The following IRAK3 variants were observed in gnomAD, a reference collection of about 807,000 sequenced individuals.
IRAK3 encodes interleukin 1 receptor associated kinase 3.
A neutral mutation model predicts 56.6 loss-of-function variants in IRAK3; 57 were observed. The ratio of observed to expected loss-of-function variants is 1.01; its 90% CI spans 0.81 to 1.26. IRAK3 has a LOEUF of 1.26. Among genes scored for constraint, IRAK3 ranks in the 50% most tolerant of loss-of-function variants. The probability of loss-of-function intolerance (pLI) is 0.00; values close to 1 mark genes in which losing one functional copy is unlikely to be tolerated. For synonymous variants in IRAK3, 258 were observed against 255.7 expected, an observed-to-expected ratio of 1.01 and a Z score of -0.09; for missense variants, 703 against 719.0, an observed-to-expected ratio of 0.98 and a Z score of 0.25.
At chr12:66,244,385 C>T (rs764436013) in intron 8 of IRAK3, 101 bp from the exon 9 acceptor site, 127 of 823,076 alleles carry the variant, frequency 1.5e-4, no homozygotes, top group African/African-American at 2.7e-4. Flanking sequence ...GACAGTGTTT[C>T]GAATTAACCA....
At chr12:66,211,628 A>T in intron 5 of IRAK3, 31 bp downstream of exon 5, 1 of 1,550,274 alleles carries the variant, frequency 6.5e-7, no homozygotes, top group Non-Finnish European at 8.9e-7. Flanking sequence ...ACAGGACATC[A>T]GTTCCACTTA....
chr12:66,239,558 GTCTT>G (rs2052943305), intron 8 of IRAK3, among the ~76,000 whole-genome samples: 1 of 152,080 alleles, frequency 6.6e-6, no homozygotes, highest in African/African-American at 2.4e-5. Flanking sequence ...AATGCAAAGT[GTCTT>G]TCTTTGTTTG....
chr12:66,200,354 C>G (rs1168758), intron 1 of IRAK3, among the ~76,000 whole-genome samples: 21,561 of 152,114 alleles, frequency 0.14, 2,260 homozygotes, highest in East Asian at 0.42. Flanking sequence ...AGTGACTCAG[C>G]ATTTCAGGCT....
intron 8 of IRAK3, among the ~76,000 whole-genome samples, chr12:66,228,785 A>C (rs1328083481): frequency 1.3e-5 from 2 of 152,194 alleles, no homozygotes; most frequent in Non-Finnish European, 2.9e-5. Context: ...TATTCAATGA[A>C]TTGCATGAGG....
chr12:66,234,411 G>C, intron 8 of IRAK3: 1 of 1,611,046 alleles, frequency 6.2e-7, no homozygotes, highest in Non-Finnish European at 8.5e-7. Flanking sequence ...GCAGATACAG[G>C]AGATACAATA....
At chr12:66,235,159 A>G (rs1428305711) in intron 8 of IRAK3, 4 of 1,585,120 alleles carry the variant, frequency 2.5e-6, no homozygotes, top group Non-Finnish European at 3.4e-6. Flanking sequence ...TACTGTTGTT[A>G]TTACTGCTGG....
In IRAK3 at chr12:66,249,165, T is replaced by A. The variant is rs1007232960; in HGVS notation, c.*994T>A. On this transcript the variant is annotated 3_prime_UTR_variant, in exon 12 of 12. Transcript: ENST00000261233. ...TGAATTATATCAAAGCTGCTTGTCT[T>A]ATCTCTTTTTTTTTTTGAGACGGAG... 2.0e-5 allele frequency: 3 copies of A among 151,414 alleles called. No homozygotes were observed. The highest frequency in any genetic ancestry group is 7.4e-5 in the African/African-American group (3 of 40,728). The allele number at this position is 151,414 out of a possible 1,614,324, so 9.4% of individuals were successfully genotyped here. A position where few individuals can be genotyped will look rare whatever the true frequency, so the allele number is the denominator to read the frequency against.
chr12:66,233,314 C>T (rs1400494471), intron 8 of IRAK3, among the ~76,000 whole-genome samples: 2 of 152,110 alleles, frequency 1.3e-5, no homozygotes, highest in African/African-American at 2.4e-5. Context: ...GTCAGCAGAT[C>T]GAGACCATCC....
At position 66,248,198 on chromosome 12, in the gene IRAK3, C is replaced by T; in HGVS notation, c.*27C>T. ...TTCTACCAGAAGATAAAGAAAAAAG[C>T]AAGTATTGCATAGGCACCTGAGCAT... On this transcript the variant is annotated 3_prime_UTR_variant, in exon 12 of 12. Coordinates refer to ENST00000261233, the MANE Select transcript of IRAK3 (RefSeq NM_007199.3). The T allele has an allele frequency of 1.3e-6, 2 of 1,549,106 alleles. No homozygotes were observed. The highest frequency in any genetic ancestry group is 2.2e-5 in the South Asian group (2 of 89,558).
At position 66,248,018 on chromosome 12, in the gene IRAK3, G is replaced by A. The variant is rs2053054803; in HGVS notation, c.1638G>A (p.Lys546=). ...SSSCEESWFP[K]YIVPSQDLRP... ...CTTGTGAAGAAAGTTGGTTCCCAAA[G>A]TATATAGTTCCATCCCAGGACTTAA... Residue 546 remains lysine, a synonymous_variant, in exon 12 of 12, where the codon AAG becomes AAA. Coordinates refer to ENST00000261233, the MANE Select transcript of IRAK3 (RefSeq NM_007199.3). 3 of 1,597,926 alleles carry A rather than the reference G, an allele frequency of 1.9e-6. No individual in the cohort carries two copies. The highest frequency in any genetic ancestry group is 2.7e-5 in the African/African-American group (2 of 74,104).
At chr12:66,243,358 C>T (rs1286505747) in intron 8 of IRAK3, among the ~76,000 whole-genome samples, 2 of 152,172 alleles carry the variant, frequency 1.3e-5, no homozygotes, top group Non-Finnish European at 2.9e-5. Flanking sequence ...TCTTGATATC[C>T]CGTGGCTGTT....
rs190307343 is a variant in IRAK3, at chr12:66,248,215, C to T, written c.*44C>T. 1.4e-6 allele frequency: 2 copies of T among 1,395,772 alleles called. No homozygotes were observed. The highest frequency in any genetic ancestry group is 2.3e-5 in the East Asian group (1 of 43,866). The allele number at this position is 1,395,772 out of a possible 1,614,324, so 86.5% of individuals were successfully genotyped here. On this transcript the variant is annotated 3_prime_UTR_variant, in exon 12 of 12. Coordinates refer to ENST00000261233, the MANE Select transcript of IRAK3 (RefSeq NM_007199.3). ...GAAAAAAGCAAGTATTGCATAGGCA[C>T]CTGAGCATAGGTATGACCTTGGGAA...
chr12:66,229,097 C>G (rs2052818243), intron 8 of IRAK3, among the ~76,000 whole-genome samples: 1 of 152,132 alleles, frequency 6.6e-6, no homozygotes, highest in African/African-American at 2.4e-5. Context: ...GGATTCCTAG[C>G]AAGCTGGCAG....
intron 6 of IRAK3, among the ~76,000 whole-genome samples, chr12:66,225,764 A>G (rs1248514814): frequency 6.6e-6 from 1 of 152,038 alleles, no homozygotes; most frequent in Non-Finnish European, 1.5e-5. Flanking sequence ...AAAGCCTGAG[A>G]AATGCATACT....
chr12:66,210,582 A>G (rs1744145741), intron 4 of IRAK3, among the ~76,000 whole-genome samples: 1 of 152,230 alleles, frequency 6.6e-6, no homozygotes, highest in Admixed American at 6.5e-5. Context: ...TTGTAGAGCA[A>G]TGCTGAAGGT....
At chr12:66,241,207 G>A (rs913497357) in intron 8 of IRAK3, among the ~76,000 whole-genome samples, 1 of 152,126 alleles carries the variant, frequency 6.6e-6, no homozygotes, top group African/African-American at 2.4e-5. Context: ...TGATCATTCT[G>A]TTAAAGGAAT....
At chr12:66,194,533 C>T (rs1347188732) in intron 1 of IRAK3, among the ~76,000 whole-genome samples, 2 of 152,096 alleles carry the variant, frequency 1.3e-5, no homozygotes, top group Admixed American at 1.3e-4. Flanking sequence ...CGCTCTAGAA[C>T]GTTACATGCC....
rs1346767430 is a variant in IRAK3, at chr12:66,248,738, G to T, written c.*567G>T. The T allele has an allele frequency of 2.0e-5, 3 of 152,984 alleles. No homozygotes were observed. The highest frequency in any genetic ancestry group is 7.2e-5 in the African/African-American group (3 of 41,428). The allele number at this position is 152,984 out of a possible 1,614,324, so 9.5% of individuals were successfully genotyped here. Reference sequence around the variant, plus strand: ...TGAGCCAGGTTCACCCTTAGCTACGGCATGCTCTGGGTTGAAAGGGGATTT... The same window carrying T: ...TGAGCCAGGTTCACCCTTAGCTACGTCATGCTCTGGGTTGAAAGGGGATTT... On this transcript the variant is annotated 3_prime_UTR_variant, in exon 12 of 12. Coordinates refer to ENST00000261233, the MANE Select transcript of IRAK3 (RefSeq NM_007199.3).
Position 66,248,306 on chromosome 12 carries a change from A to G in IRAK3, c.*135A>G. 1 of 660,882 alleles carries G rather than the reference A, an allele frequency of 1.5e-6. No individual in the cohort carries two copies. Among genetic ancestry groups the G allele is most frequent in the Non-Finnish European group, 2.7e-6 (1 of 373,240 alleles). 40.9% of individuals were successfully genotyped at this position (660,882 alleles called of 1,614,324 possible). ...GTGAGTTTGGGTGATGCAGATAAAC[A>G]ATCTGGATAATTCCATTTCTTTTTT... On this transcript the variant is annotated 3_prime_UTR_variant, in exon 12 of 12. Transcript: ENST00000261233.
Sources: gnomAD v4.1 joint callset for allele counts (sites outside exome capture counted in the v4.1 genomes callset) on GRCh38, gnomAD v4.1.1 for gene constraint, MANE v1.5 for transcripts, NCBI Gene and HGNC (gene_info 2026-07-23, HGNC 2026-07-21) for gene names.